The following CAD variants were observed in gnomAD, a reference collection of about 807,000 sequenced individuals.
CAD encodes carbamoyl-phosphate synthetase 2, aspartate transcarbamylase, and dihydroorotase, also known as multifunctional protein CAD.
Under a neutral mutation model 237.2 loss-of-function variants are expected in CAD, and 81 were observed. That is an observed-to-expected ratio of 0.34 (90% CI 0.29 to 0.41). CAD has a LOEUF of 0.41. CAD is among the 10% of genes least tolerant of loss of function. The pLI is 1.00. For missense variants in CAD, 2,181 were observed against 2,951.7 expected, an observed-to-expected ratio of 0.74 and a Z score of 6.05; for synonymous variants, 1,196 against 1,162.8, an observed-to-expected ratio of 1.03 and a Z score of -0.58.
intron 2 of CAD, among the ~76,000 whole-genome samples, chr2:27,218,476 C>T (rs1674985153): frequency 6.6e-6 from 1 of 152,030 alleles, no homozygotes; most frequent in South Asian, 2.1e-4. Flanking sequence ...TTTTTAGCAG[C>T]AGAGTCAGAT....
chr2:27,241,351 A>G lies in CAD; in HGVS notation c.5838A>G (p.Thr1946=). ...QMSHLFNVAH[T]LRMMVQKERS... ...CTCACCTGTTCAATGTGGCACACACACTGCGTATGATGGTGCAGAAGGAGC... is the reference window on the plus strand; with the variant it reads ...CTCACCTGTTCAATGTGGCACACACGCTGCGTATGATGGTGCAGAAGGAGC... Residue 1946 remains threonine (T), a synonymous_variant, in exon 38 of 44, where the codon ACA becomes ACG. Transcript: ENST00000264705. The surrounding 1 kb of genome is among the most constrained non-coding windows in gnomAD (Gnocchi z 4.6). 8 of 1,614,160 alleles carry G rather than the reference A, an allele frequency of 5.0e-6. No individual in the cohort carries two copies. The highest frequency in any genetic ancestry group is 1.6e-4 in the Middle Eastern group (1 of 6,062).
rs1265175451 is a variant in CAD, at chr2:27,237,988, G to T, written c.4729-68G>T. 6.9e-6 allele frequency: 11 copies of T among 1,592,046 alleles called. No homozygotes were observed. Among genetic ancestry groups the T allele is most frequent in the African/African-American group, 1.3e-5 (1 of 74,520 alleles). Reference sequence around the variant, plus strand: ...GTGAGGATTCAGGGGAGCTCCTGGGGACTCTGGGCTCTGATGAGCACAGTC... The same window carrying T: ...GTGAGGATTCAGGGGAGCTCCTGGGTACTCTGGGCTCTGATGAGCACAGTC... On this transcript the variant is annotated intron_variant, in intron 29 of 43. Transcript: ENST00000264705. The surrounding 1 kb of genome is among the most constrained non-coding windows in gnomAD (Gnocchi z 4.0).
Position 27,239,316 on chromosome 2 carries a change from A to G in CAD, c.5254-15A>G, listed in dbSNP as rs763468184. 1.2e-6 allele frequency: 2 copies of G among 1,610,680 alleles called. No individual in the cohort carries two copies. Among genetic ancestry groups the G allele is most frequent in the Non-Finnish European group, 1.7e-6 (2 of 1,177,304 alleles). ...GGGGATCCTTTCCCTAGCATAACCCATGTCCTCTGGGCAGGTGGATCTGGA... is the reference window on the plus strand; with the variant it reads ...GGGGATCCTTTCCCTAGCATAACCCGTGTCCTCTGGGCAGGTGGATCTGGA... On this transcript the variant is annotated splice_polypyrimidine_tract_variant and intron_variant, in intron 32 of 43. Transcript: ENST00000264705. The surrounding 1 kb of genome is among the most constrained non-coding windows in gnomAD (Gnocchi z 4.0).
intron 31 of CAD, 85 bp downstream of exon 31, chr2:27,238,717 C>A (rs1676147057): frequency 1.3e-5 from 16 of 1,271,142 alleles, no homozygotes; most frequent in Middle Eastern, 2.1e-4. Context: ...GGCCAGGCCT[C>A]AGGACTCTAC....
intron 22 of CAD, 141 bp from the exon 23 acceptor site, chr2:27,234,377 T>A: frequency 9.0e-7 from 1 of 1,116,430 alleles, no homozygotes; most frequent in Non-Finnish European, 1.3e-6. Context: ...CTCATGGTGT[T>A]GGGGCTTATG....
At chr2:27,230,706 C>G (rs1009236104) in intron 15 of CAD, among the ~76,000 whole-genome samples, 5 of 151,996 alleles carry the variant, frequency 3.3e-5, no homozygotes, top group Non-Finnish European at 7.4e-5. Context: ...GTGATTTGCT[C>G]TGCATGGATG....
At chr2:27,230,738 A>G (rs1306848345) in intron 15 of CAD, among the ~76,000 whole-genome samples, 10 of 152,156 alleles carry the variant, frequency 6.6e-5, no homozygotes, top group Admixed American at 6.5e-4. Context: ...TCATCTTCCT[A>G]TTATCTACAC....
rs184093486 is a variant in CAD, at chr2:27,224,302, C to A, written c.1109-43C>A. The A allele has an allele frequency of 9.3e-6, 15 of 1,609,350 alleles. No homozygotes were observed. The East Asian group carries it at 3.1e-4, about 33-fold the overall frequency. On this transcript the variant is annotated intron_variant, in intron 8 of 43. Transcript: ENST00000264705. ...AGCTAATCCAGTTGACCTCTTGGGT[C>A]CAGCTCAGCTCTAACATTCTACGAC...
At position 27,242,461 on chromosome 2, in the gene CAD, G is replaced by C; in HGVS notation, c.6222+34G>C. On this transcript the variant is annotated intron_variant, in intron 40 of 43. Coordinates refer to ENST00000264705, the MANE Select transcript of CAD (RefSeq NM_004341.5). This position sits in a 1 kb window ranked among gnomAD's most constrained non-coding sequence, Gnocchi z 6.4. The stretch of plus-strand genomic sequence containing the variant: ...GGTGGCAGGGTTTGGATCCCTGCCA[G>C]GGGACGATCTAGAGAGGGAGGCAGG... 1 of 1,605,528 alleles carries C rather than the reference G, an allele frequency of 6.2e-7. No individual in the cohort carries two copies. The highest frequency in any genetic ancestry group is 1.1e-5 in the South Asian group (1 of 90,330).
At position 27,234,187 on chromosome 2, in the gene CAD, A is replaced by G. The variant is rs755152065; in HGVS notation, c.3579A>G (p.Leu1193=). Residue 1193 remains leucine, a synonymous_variant, in exon 22 of 44, where the codon CTA becomes CTG. Transcript: ENST00000264705. ...KAIVHAVGQE[L]QVTGPFNLQL... ...TTGTGCATGCTGTGGGCCAGGAGCT[A>G]CAGGTCACAGGACCCTTCAATCTGC... The G allele has an allele frequency of 5.6e-6, 9 of 1,614,236 alleles. No individual in the cohort carries two copies. The highest frequency in any genetic ancestry group is 3.3e-5 in the South Asian group (3 of 91,088).
chr2:27,219,970 A>G (rs1558526021), intron 2 of CAD, among the ~76,000 whole-genome samples: 2 of 152,120 alleles, frequency 1.3e-5, no homozygotes, highest in Non-Finnish European at 2.9e-5. Flanking sequence ...TTATTTGGTA[A>G]TGGGGTATTT....
At chr2:27,243,138 T>G in intron 42 of CAD, 60 bp from the exon 43 acceptor site, 1 of 1,537,520 alleles carries the variant, frequency 6.5e-7, no homozygotes, top group Non-Finnish European at 9.0e-7. Flanking sequence ...AGCCCAGACT[T>G]GTGTCCTCTG....
At chr2:27,238,261 G>A (rs1040077359) in intron 30 of CAD, 74 bp downstream of exon 30, 5 of 1,557,194 alleles carry the variant, frequency 3.2e-6, no homozygotes, top group African/African-American at 2.7e-5. Flanking sequence ...AGTCCTTAGG[G>A]GCAGGAGACA....
chr2:27,229,010 C>G (rs547624674), intron 15 of CAD, among the ~76,000 whole-genome samples: 2 of 151,256 alleles, frequency 1.3e-5, no homozygotes, highest in East Asian at 1.9e-4. Flanking sequence ...CCTCTGCCTC[C>G]CAGGTTCAAG....
chr2:27,219,433 C>T (rs1292523763), intron 2 of CAD, among the ~76,000 whole-genome samples: 1 of 152,040 alleles, frequency 6.6e-6, no homozygotes, highest in Admixed American at 6.5e-5. Flanking sequence ...GCCTCTGCCA[C>T]CTGAGCTCAA....
At chr2:27,223,430 C>CAAAA in intron 6 of CAD, 133 bp from the exon 7 acceptor site, 27 of 622,704 alleles carry the variant, frequency 4.3e-5, no homozygotes, top group South Asian at 8.9e-5. Flanking sequence ...GACTCCGTCT[C>CAAAA]AAAAAAAAAA....
chr2:27,240,824 C>G lies in CAD; in HGVS notation c.5594-87C>G. ...GTGTTGTGAATTGGTTTAACATATACACTGTGATTCAGAGTTCCTGGGAAT... is the reference window on the plus strand; with the variant it reads ...GTGTTGTGAATTGGTTTAACATATAGACTGTGATTCAGAGTTCCTGGGAAT... On this transcript the variant is annotated intron_variant, in intron 35 of 43. Coordinates refer to ENST00000264705, the MANE Select transcript of CAD (RefSeq NM_004341.5). The surrounding 1 kb of genome is among the most constrained non-coding windows in gnomAD (Gnocchi z 4.6). 1 of 1,447,102 alleles carries G rather than the reference C, an allele frequency of 6.9e-7. No homozygotes were observed. The highest frequency in any genetic ancestry group is 1.2e-5 in the South Asian group (1 of 85,630). 89.6% of individuals were successfully genotyped at this position (1,447,102 alleles called of 1,614,324 possible).
rs746402928 is a variant in CAD, at chr2:27,232,722, T to G, written c.2892+28T>G. ...CAGAGAGTTCATTTTCTTTCCACTT[T>G]CCTTGCTATTCTGTTCATCTCTAGC... On this transcript the variant is annotated intron_variant, in intron 18 of 43. Transcript: ENST00000264705. This position sits in a 1 kb window ranked among gnomAD's most constrained non-coding sequence, Gnocchi z 4.1. 8.7e-6 allele frequency: 14 copies of G among 1,613,538 alleles called. No individual in the cohort carries two copies. Among genetic ancestry groups the G allele is most frequent in the South Asian group, 1.1e-5 (1 of 91,006 alleles).
In CAD at chr2:27,238,584, G is replaced by T; in HGVS notation, c.5014G>T (p.Ala1672Ser). 1.2e-6 allele frequency: 2 copies of T among 1,614,006 alleles called. No individual in the cohort carries two copies. Among genetic ancestry groups the T allele is most frequent in the Non-Finnish European group, 8.5e-7 (1 of 1,179,968 alleles). Residue 1672 changes from alanine to serine, a missense_variant, in exon 31 of 44, where the codon GCC (alanine) becomes TCC (serine). This residue lies in a region of CAD where 478 missense variants were observed against 515.0 expected (regional missense o/e 0.93). Transcript: ENST00000264705. ...GCTTGGCTCCCGCCAGGATGTGGAA[G>T]CCCTGTGGGAGAACATGGCTGTCAT... Reference protein sequence around the residue: ...PELGSRQDVEALWENMAVIDC... With the variant: ...PELGSRQDVESLWENMAVIDC...
Sources: gnomAD v4.1 joint callset for allele counts (sites outside exome capture counted in the v4.1 genomes callset) on GRCh38, gnomAD v4.1.1 for gene constraint, gnomAD v4.1.1 regional missense constraint, Gnocchi (gnomAD v3.1) non-coding constraint, MANE v1.5 for transcripts, NCBI Gene and HGNC (gene_info 2026-07-23, HGNC 2026-07-21) for gene names.